Variants in LRRC4C observed in about 807,000 individuals in gnomAD.
LRRC4C encodes leucine-rich repeat-containing protein 4C.
Under a neutral mutation model 33.6 loss-of-function variants are expected in LRRC4C, and 5 were observed. The ratio of observed to expected loss-of-function variants is 0.15; its 90% CI spans 0.08 to 0.31. The LOEUF (loss-of-function observed/expected upper bound fraction) is 0.31. Among genes scored for constraint, LRRC4C ranks in the 10% least tolerant of loss-of-function variants. The pLI is 1.00. For missense variants in LRRC4C, 560 were observed against 796.7 expected, an observed-to-expected ratio of 0.70 and a Z score of 3.58; for synonymous variants, 329 against 302.0, an observed-to-expected ratio of 1.09 and a Z score of -0.93.
intron 2 of LRRC4C, among the ~76,000 whole-genome samples, chr11:40,700,902 T>A (rs540044213): frequency 5.4e-4 from 83 of 152,326 alleles, no homozygotes; most frequent in African/African-American, 2.0e-3. Context: ...TATGCATATA[T>A]CCATGCCAAA....
intron 2 of LRRC4C, among the ~76,000 whole-genome samples, chr11:40,680,070 T>G (rs1409303634): frequency 6.6e-6 from 1 of 152,204 alleles, no homozygotes; most frequent in Non-Finnish European, 1.5e-5. Flanking sequence ...CAGTGTGATC[T>G]GTTTATGAGA....
chr11:41,206,507 TAACTTTG>T (rs1330140429), intron 1 of LRRC4C, among the ~76,000 whole-genome samples: 2 of 152,198 alleles, frequency 1.3e-5, no homozygotes, highest in African/African-American at 4.8e-5. Context: ...TGAAGAGCTG[TAACTTTG>T]CTCACAGCTT....
intron 1 of LRRC4C, among the ~76,000 whole-genome samples, chr11:41,062,155 G>A (rs1367466845): frequency 6.6e-6 from 1 of 152,200 alleles, no homozygotes; most frequent in African/African-American, 2.4e-5. Flanking sequence ...AGGTAAACCT[G>A]TGCCATGGAG....
chr11:40,386,654 TTTATTC>T (rs1266975239), intron 3 of LRRC4C, among the ~76,000 whole-genome samples: 1 of 152,214 alleles, frequency 6.6e-6, no homozygotes, highest in East Asian at 1.9e-4. Flanking sequence ...TCTTTGTTTC[TTTATTC>T]TTATTCTCTT....
At chr11:41,065,002 C>T (rs550804125) in intron 1 of LRRC4C, among the ~76,000 whole-genome samples, 1 of 152,294 alleles carries the variant, frequency 6.6e-6, no homozygotes, top group African/African-American at 2.4e-5. Context: ...AGGCACTGAG[C>T]TGCACGAGTT....
intron 3 of LRRC4C, among the ~76,000 whole-genome samples, chr11:40,529,264 G>A (rs973935139): frequency 7.9e-5 from 12 of 152,008 alleles, no homozygotes; most frequent in African/African-American, 2.2e-4. Context: ...ATATGCATAC[G>A]TCCAAACTCA....
At chr11:40,815,757 C>A (rs2135422268) in intron 2 of LRRC4C, among the ~76,000 whole-genome samples, 1 of 152,254 alleles carries the variant, frequency 6.6e-6, no homozygotes, top group African/African-American at 2.4e-5. Context: ...TTGACCTGCA[C>A]CTTCCTCTTT....
rs74974930 is a variant in LRRC4C, at chr11:40,811,068, C to T, written c.-407+122567G>A. On this transcript the variant is annotated intron_variant, in intron 2 of 6. Coordinates refer to ENST00000528697, the MANE Select transcript of LRRC4C (RefSeq NM_001258419.2). ...AGAAATCCTGGAGATCTTTTAATTC[C>T]TTGAGCATGGCACTTTGATTCTCTC... Among the ~76,000 whole-genome samples the T allele has an allele frequency of 9.6e-4, 146 of 152,238 alleles. 4 individuals carry two copies. In the East Asian group the frequency reaches 0.027, roughly 28 times the overall value.
rs554756220 is a variant in LRRC4C, at chr11:40,179,829, A to C, written c.-95-38976T>G. On this transcript the variant is annotated intron_variant, in intron 5 of 6. Transcript: ENST00000528697. The stretch of plus-strand genomic sequence containing the variant: ...ATTAGATATAGGAGCTGAATGGAAA[A>C]GACTACTTTGGTCTTTTTAGTCGCA... Among the ~76,000 whole-genome samples, 10 of 152,362 alleles carry C rather than the reference A, an allele frequency of 6.6e-5. No individual in the cohort carries two copies. The East Asian group carries it at 1.5e-3, about 24-fold the overall frequency.
rs140446197 is a variant in LRRC4C at position 41,348,139 on chromosome 11, T to C, written c.-496+111292A>G. Among the ~76,000 whole-genome samples, 1,475 of 152,338 alleles carry C rather than the reference T, an allele frequency of 9.7e-3. 22 individuals carry two copies. Among genetic ancestry groups the C allele is most frequent in the African/African-American group, 0.034 (1,398 of 41,582 alleles). ...CTATGAGTTGTTTTCTACTACTTCC[T>C]ACCTAAGCTATTGAGAGATTTCTCA... is the stretch of plus-strand genomic sequence containing the variant. On this transcript the variant is annotated intron_variant, in intron 1 of 6. Transcript: ENST00000528697.
chr11:40,474,805 T>A (rs936241580), intron 3 of LRRC4C, among the ~76,000 whole-genome samples: 3 of 152,140 alleles, frequency 2.0e-5, no homozygotes, highest in Non-Finnish European at 2.9e-5. Flanking sequence ...AGAAAAGACA[T>A]TTATGTGGCC....
chr11:41,182,130 A>G (rs1197469805), intron 1 of LRRC4C, among the ~76,000 whole-genome samples: 1 of 152,202 alleles, frequency 6.6e-6, no homozygotes, highest in Non-Finnish European at 1.5e-5. Context: ...TTTTTAAAGC[A>G]ATTATACTCA....
At chr11:41,413,768 G>A (rs894389485) in intron 1 of LRRC4C, among the ~76,000 whole-genome samples, 29 of 152,254 alleles carry the variant, frequency 1.9e-4, no homozygotes, top group African/African-American at 6.0e-4. Context: ...CAAAAATTGC[G>A]TGATGCTGGA....
intron 1 of LRRC4C, among the ~76,000 whole-genome samples, chr11:41,286,609 G>A (rs76191358): frequency 1.7e-4 from 25 of 149,252 alleles, no homozygotes; most frequent in African/African-American, 5.8e-4. Flanking sequence ...CACAGCTTGG[G>A]CCTGTCAGGT....
intron 1 of LRRC4C, among the ~76,000 whole-genome samples, chr11:41,053,358 CA>C (rs1472531590): frequency 6.6e-6 from 1 of 152,124 alleles, no homozygotes; most frequent in Non-Finnish European, 1.5e-5. Context: ...TGGCTAACAG[CA>C]AGAAACTAAT....
intron 3 of LRRC4C, among the ~76,000 whole-genome samples, chr11:40,628,982 C>G (rs1054622480): frequency 6.6e-6 from 1 of 152,066 alleles, no homozygotes; most frequent in African/African-American, 2.4e-5. Flanking sequence ...TACTTGTTAA[C>G]TAAACAAACG....
intron 1 of LRRC4C, among the ~76,000 whole-genome samples, chr11:41,312,494 T>C (rs1324234259): frequency 6.6e-6 from 1 of 152,218 alleles, no homozygotes; most frequent in Non-Finnish European, 1.5e-5. Context: ...TGCTGAACAC[T>C]TCTGCATTTC....
At chr11:41,027,913 C>A (rs1856486353) in intron 1 of LRRC4C, among the ~76,000 whole-genome samples, 1 of 151,556 alleles carries the variant, frequency 6.6e-6, no homozygotes, top group African/African-American at 2.4e-5. Flanking sequence ...TGTTTTTAAT[C>A]TACAGTGTAT....
At chr11:41,400,329 A>G (rs931998285) in intron 1 of LRRC4C, among the ~76,000 whole-genome samples, 2 of 152,086 alleles carry the variant, frequency 1.3e-5, no homozygotes, top group South Asian at 4.1e-4. Context: ...CAAGTGTCTT[A>G]TAAGTACTCA....
Sources: allele counts gnomAD v4.1 joint callset (sites outside exome capture counted in the v4.1 genomes callset), GRCh38; gene constraint gnomAD v4.1.1; transcripts MANE v1.5; gene names NCBI Gene and HGNC (gene_info 2026-07-23, HGNC 2026-07-21).